Variants in CSMD1 observed in about 807,000 individuals in gnomAD.
CSMD1 encodes the protein CUB and sushi domain-containing protein 1.
CSMD1 carries 213 observed loss-of-function variants against 417.5 expected under a neutral mutation model. The ratio of observed to expected loss-of-function variants is 0.51; its 90% CI spans 0.46 to 0.57. The LOEUF is 0.57. Ranked by LOEUF, CSMD1 falls within the 20% of genes least tolerant of loss-of-function variation. The probability of loss-of-function intolerance (pLI) is 0.00; values close to 1 mark genes in which losing one functional copy is unlikely to be tolerated. For missense variants in CSMD1, 6,923 were observed against 4,529.7 expected (o/e 1.53, Z -15.17); for synonymous variants, 2,862 against 1,736.8 (o/e 1.65, Z -16.11).
chr8:3,473,586 A>G (rs376654657), intron 11 of CSMD1, among the ~76,000 whole-genome samples: 5 of 152,208 alleles, frequency 3.3e-5, no homozygotes, highest in East Asian at 3.9e-4. Context: ...GCAACTGGTT[A>G]TCTGTTTGAA....
intron 3 of CSMD1, among the ~76,000 whole-genome samples, chr8:4,253,534 A>G (rs1394315416): frequency 6.6e-6 from 1 of 152,194 alleles, no homozygotes; most frequent in African/African-American, 2.4e-5. Flanking sequence ...GAAGAAAAGG[A>G]TGATGTTATT....
intron 11 of CSMD1, among the ~76,000 whole-genome samples, chr8:3,478,107 A>C (rs1054063385): frequency 2.1e-4 from 32 of 152,244 alleles, no homozygotes; most frequent in Non-Finnish European, 3.5e-4. Context: ...TGACTCATGC[A>C]CACGCCTCAC....
intron 5 of CSMD1, among the ~76,000 whole-genome samples, chr8:3,967,285 G>T (rs567349182): frequency 8.6e-5 from 13 of 151,696 alleles, no homozygotes; most frequent in African/African-American, 2.9e-4. Context: ...TACTGTTCTT[G>T]TTCCCTTTGT....
chr8:3,132,473 T>C (rs980663371), intron 41 of CSMD1, among the ~76,000 whole-genome samples: 2 of 152,152 alleles, frequency 1.3e-5, no homozygotes, highest in African/African-American at 2.4e-5. Context: ...CACTGATCTA[T>C]GAAAGTAAGC....
At chr8:4,354,840 G>C (rs533820900) in intron 3 of CSMD1, among the ~76,000 whole-genome samples, 3 of 148,224 alleles carry the variant, frequency 2.0e-5, no homozygotes, top group South Asian at 2.2e-4. Flanking sequence ...GCTCTCACTA[G>C]AGGGCAGGTA....
intron 2 of CSMD1, among the ~76,000 whole-genome samples, chr8:4,584,602 G>A (rs1347680194): frequency 1.3e-5 from 2 of 152,144 alleles, no homozygotes; most frequent in Non-Finnish European, 2.9e-5. Flanking sequence ...AGGGTCTACA[G>A]AGAGGAAAGC....
At chr8:3,836,955 A>C (rs1261761124) in intron 5 of CSMD1, among the ~76,000 whole-genome samples, 1 of 152,104 alleles carries the variant, frequency 6.6e-6, no homozygotes, top group East Asian at 1.9e-4. Context: ...GGCAAAAATA[A>C]AAAGTTTTAT....
At chr8:3,304,541 T>A (rs1376868882) in intron 25 of CSMD1, among the ~76,000 whole-genome samples, 1 of 152,154 alleles carries the variant, frequency 6.6e-6, no homozygotes, top group African/African-American at 2.4e-5. Flanking sequence ...AAATTAAGGA[T>A]AAACATGGAT....
At chr8:3,232,181 T>A (rs1798882050) in intron 26 of CSMD1, among the ~76,000 whole-genome samples, 1 of 152,212 alleles carries the variant, frequency 6.6e-6, no homozygotes, top group Non-Finnish European at 1.5e-5. Context: ...AATTTTATGT[T>A]TATCATTCCC....
At chr8:4,902,206 T>A (rs1336705428) in intron 1 of CSMD1, among the ~76,000 whole-genome samples, 2 of 151,962 alleles carry the variant, frequency 1.3e-5, no homozygotes, top group Admixed American at 6.6e-5. Flanking sequence ...AGCCAAGAGT[T>A]TGAAACTCAC....
chr8:4,095,083 G>A (rs1459152244), intron 3 of CSMD1, among the ~76,000 whole-genome samples: 3 of 152,196 alleles, frequency 2.0e-5, no homozygotes, highest in Non-Finnish European at 2.9e-5. Flanking sequence ...TTGGATTAAT[G>A]TAACTGCAGA....
intron 52 of CSMD1, among the ~76,000 whole-genome samples, chr8:3,014,427 A>T (rs1808666312): frequency 6.6e-6 from 1 of 152,106 alleles, no homozygotes; most frequent in Non-Finnish European, 1.5e-5. Flanking sequence ...TCCTGTTGTG[A>T]GAACAATCAC....
chr8:3,447,772 A>C (rs1166273424), intron 12 of CSMD1, among the ~76,000 whole-genome samples: 2 of 152,130 alleles, frequency 1.3e-5, no homozygotes, highest in Admixed American at 1.3e-4. Flanking sequence ...GTGTTCCTGG[A>C]TGTGGCAGTG....
At chr8:4,530,806 G>T (rs996473963) in intron 2 of CSMD1, among the ~76,000 whole-genome samples, 26 of 151,538 alleles carry the variant, frequency 1.7e-4, no homozygotes, top group African/African-American at 6.1e-4. Context: ...CATAGCCAAA[G>T]GATTATAAAT....
chr8:4,453,890 C>T lies in CSMD1; in HGVS notation c.303-33825G>A, dbSNP rs564321128. ...ACGCTGGAGTGCACTGGCGCGACCT[C>T]GGCTCACTGCCAGCTCCGCCTCCCA... On this transcript the variant is annotated intron_variant, in intron 2 of 69. Transcript: ENST00000635120. 1.1e-4 allele frequency among the ~76,000 whole-genome samples: 15 copies of T among 138,764 alleles called. No homozygotes were observed. The South Asian group carries it at 1.2e-3, about 11-fold the overall frequency. The allele number at this position is 138,764 out of a possible 152,430, so 91.0% of individuals were successfully genotyped here.
At chr8:3,818,535 C>A (rs1228667250) in intron 5 of CSMD1, among the ~76,000 whole-genome samples, 6 of 152,004 alleles carry the variant, frequency 3.9e-5, no homozygotes, top group Admixed American at 6.5e-5. Context: ...GTAGGCTTAC[C>A]CCAAGAAGAC....
At chr8:4,277,684 C>A (rs1401835224) in intron 3 of CSMD1, among the ~76,000 whole-genome samples, 2 of 152,150 alleles carry the variant, frequency 1.3e-5, no homozygotes, top group African/African-American at 4.8e-5. Flanking sequence ...ACACAAGCGA[C>A]AGAATTTAAG....
intron 26 of CSMD1, among the ~76,000 whole-genome samples, chr8:3,231,008 C>T (rs924182031): frequency 6.6e-6 from 1 of 152,052 alleles, no homozygotes; most frequent in African/African-American, 2.4e-5. Flanking sequence ...GCATTGCAAA[C>T]GGCGAGCCTA....
chr8:4,192,344 C>T (rs17069310), intron 3 of CSMD1, among the ~76,000 whole-genome samples: 7 of 152,078 alleles, frequency 4.6e-5, no homozygotes, highest in Non-Finnish European at 7.4e-5. Context: ...GAGCTATAAT[C>T]AGCAGTTCTT....
Sources: allele counts gnomAD v4.1 joint callset (sites outside exome capture counted in the v4.1 genomes callset), GRCh38; gene constraint gnomAD v4.1.1; transcripts MANE v1.5; gene names NCBI Gene and HGNC (gene_info 2026-07-23, HGNC 2026-07-21).